Variants in XRCC5 observed in about 807,000 individuals in gnomAD.
XRCC5 encodes DNA repair protein Ku80.
A neutral mutation model predicts 95.7 loss-of-function variants in XRCC5; 12 were observed. That is an observed-to-expected ratio of 0.13 (90% confidence interval 0.08 to 0.20). The LOEUF (loss-of-function observed/expected upper bound fraction) is 0.20, where lower values mean the gene tolerates loss of function less well. Among genes scored for constraint, XRCC5 ranks in the 10% least tolerant of loss-of-function variants. XRCC5 has a pLI of 1.00. For missense variants in XRCC5, 595 were observed against 873.9 expected, an observed-to-expected ratio of 0.68 and a Z score of 4.02; for synonymous variants, 281 against 290.3, an observed-to-expected ratio of 0.97 and a Z score of 0.33.
At chr2:216,185,427 A>T (rs573225441) in intron 16 of XRCC5, among the ~76,000 whole-genome samples, 1 of 152,240 alleles carries the variant, frequency 6.6e-6, no homozygotes, top group Admixed American at 6.5e-5. Flanking sequence ...TTATCAGGCA[A>T]ATATCTTTTA....
In XRCC5 at chr2:216,148,123, C is replaced by G; in HGVS notation, c.1517C>G (p.Pro506Arg). 4 of 1,613,800 alleles carry G rather than the reference C, an allele frequency of 2.5e-6. No individual in the cohort carries two copies. Among genetic ancestry groups the G allele is most frequent in the Non-Finnish European group, 3.4e-6 (4 of 1,179,930 alleles). ...HRALHPREPL[P>R]PIQQHIWNML... is the part of the protein sequence containing the mutation. The stretch of plus-strand genomic sequence containing the variant: ...GCTTTACATCCCCGGGAGCCTCTAC[C>G]CCCAATTCAGCAGCATATTTGGAAT... Residue 506 changes from proline to arginine, a missense_variant, in exon 14 of 21, where the codon CCC becomes CGC. Around this residue, in one of 2 missense-constraint regions of XRCC5, gnomAD observed 309 missense variants for 382.9 expected, o/e 0.81. Transcript: ENST00000392132.
At chr2:216,184,041 T>TGC (rs1005060584) in intron 16 of XRCC5, among the ~76,000 whole-genome samples, 3 of 60,584 alleles carry the variant, frequency 5.0e-5, no homozygotes, top group African/African-American at 1.3e-4. Flanking sequence ...ACTGTGTGTG[T>TGC]GTGTGTGTGT....
At position 216,137,143 on chromosome 2, in the gene XRCC5, TG is replaced by T. The variant is rs1208818515; in HGVS notation, c.1171del (p.Ala391ProfsTer2). 1 of 1,613,984 alleles carries T rather than the reference TG, an allele frequency of 6.2e-7. No individual in the cohort carries two copies. Among genetic ancestry groups the T allele is most frequent in the Non-Finnish European group, 8.5e-7 (1 of 1,179,964 alleles). On this transcript the variant is annotated frameshift_variant, in exon 11 of 21. Transcript: ENST00000392132. LOFTEE classifies it high-confidence loss of function. The stretch of plus-strand genomic sequence containing the variant: ...CATGCTTTGGATGACTTAGACATGG[TG>T]GCCATAGTTCGATATGCTTATGACA... ...LIHALDDLDM[V>X]AIVRYAYDKR...
intron 5 of XRCC5, among the ~76,000 whole-genome samples, chr2:216,120,290 G>T (rs970608570): frequency 3.9e-5 from 6 of 152,192 alleles, no homozygotes; most frequent in Non-Finnish European, 7.3e-5. Flanking sequence ...TTACATGTTA[G>T]AAGCAGACTG....
chr2:216,123,240 A>G (rs1574454550), intron 6 of XRCC5, among the ~76,000 whole-genome samples: 2 of 152,196 alleles, frequency 1.3e-5, no homozygotes, highest in Middle Eastern at 3.4e-3. Flanking sequence ...TTTTTTCTAA[A>G]CGACCATTTT....
chr2:216,186,955 T>TG (rs1689503656), intron 16 of XRCC5, among the ~76,000 whole-genome samples: 1 of 152,226 alleles, frequency 6.6e-6, no homozygotes, highest in South Asian at 2.1e-4. Flanking sequence ...CACAAAACTT[T>TG]GGAAAGGAAG....
intron 14 of XRCC5, among the ~76,000 whole-genome samples, chr2:216,156,031 C>G (rs1688836031): frequency 6.6e-6 from 1 of 152,182 alleles, no homozygotes; most frequent in Admixed American, 6.5e-5. Flanking sequence ...CACTAAGTTA[C>G]AATGATATAA....
In XRCC5 at chr2:216,109,420, G is replaced by A; in HGVS notation, c.-17G>A. On this transcript the variant is annotated 5_prime_UTR_variant, in exon 1 of 21. Coordinates refer to ENST00000392132, the MANE Select transcript of XRCC5 (RefSeq NM_021141.4). ...CCCGCCCGGAAGAAGCGACCAAAGC[G>A]CCTGAGGACCGGCAACATGGTGCGG... 6.2e-7 allele frequency: 1 copy of A among 1,613,966 alleles called. No homozygotes were observed. Among genetic ancestry groups the A allele is most frequent in the Non-Finnish European group, 8.5e-7 (1 of 1,179,924 alleles).
rs116580642 is a variant in XRCC5, at chr2:216,165,307, C to T, written c.1834+3259C>T. ...TTTATATTGAATTTGACTTTGAGAC[C>T]CAGCATGTTGCTAGTATTTCGACAA... On this transcript the variant is annotated intron_variant, in intron 16 of 20. Transcript: ENST00000392132. Among the ~76,000 whole-genome samples, 439 of 152,196 alleles carry T rather than the reference C, an allele frequency of 2.9e-3. 1 individual carries two copies. Among genetic ancestry groups the T allele is most frequent in the Non-Finnish European group, 4.7e-3 (320 of 68,002 alleles).
chr2:216,161,399 A>C (rs968254862), intron 15 of XRCC5, among the ~76,000 whole-genome samples: 1 of 152,154 alleles, frequency 6.6e-6, no homozygotes, highest in Non-Finnish European at 1.5e-5. Flanking sequence ...TCGTCTTTCA[A>C]ACTTCCTCAC....
intron 16 of XRCC5, among the ~76,000 whole-genome samples, chr2:216,187,694 C>T (rs1478456183): frequency 6.6e-6 from 1 of 150,914 alleles, no homozygotes; most frequent in Non-Finnish European, 1.5e-5. Context: ...TACTCTTTTC[C>T]GTGTAGTCTT....
intron 16 of XRCC5, among the ~76,000 whole-genome samples, chr2:216,187,070 A>G: frequency 6.6e-6 from 1 of 152,200 alleles, no homozygotes; most frequent in East Asian, 1.9e-4. Flanking sequence ...CCACAAAAGT[A>G]GTCTGGGTAG....
chr2:216,195,069 T>C (rs1314138307), intron 19 of XRCC5, 83 bp downstream of exon 19: 2 of 1,289,556 alleles, frequency 1.6e-6, no homozygotes, highest in Non-Finnish European at 2.2e-6. Context: ...AGTTAAATTT[T>C]ATGGGTAACT....
intron 16 of XRCC5, among the ~76,000 whole-genome samples, chr2:216,186,556 A>G (rs1466900060): frequency 6.6e-6 from 1 of 152,238 alleles, no homozygotes; most frequent in Non-Finnish European, 1.5e-5. Flanking sequence ...CATTTTCTAA[A>G]ACCTCAAAAT....
intron 10 of XRCC5, among the ~76,000 whole-genome samples, chr2:216,133,863 A>G (rs1347878880): frequency 2.6e-5 from 4 of 152,214 alleles, no homozygotes; most frequent in Non-Finnish European, 5.9e-5. Context: ...ACAAAACAAA[A>G]GAATGCCTGG....
intron 14 of XRCC5, 84 bp downstream of exon 14, chr2:216,148,360 G>A (rs1483496090): frequency 4.7e-6 from 6 of 1,277,130 alleles, no homozygotes; most frequent in Admixed American, 2.6e-5. Flanking sequence ...GTGTCACATA[G>A]GGGTCTATGG....
chr2:216,187,965 T>C (rs1457049553), intron 16 of XRCC5, among the ~76,000 whole-genome samples: 3 of 151,606 alleles, frequency 2.0e-5, no homozygotes, highest in African/African-American at 7.3e-5. Context: ...TCTTCTTTCT[T>C]CTACACTTTC....
chr2:216,177,953 A>G (rs1042773466), intron 16 of XRCC5, among the ~76,000 whole-genome samples: 5 of 152,224 alleles, frequency 3.3e-5, no homozygotes, highest in African/African-American at 1.2e-4. Flanking sequence ...AAGATAAGAT[A>G]TGCCTGCAGA....
chr2:216,188,262 A>T (rs184294686), intron 16 of XRCC5, among the ~76,000 whole-genome samples: 3 of 152,346 alleles, frequency 2.0e-5, no homozygotes, highest in Admixed American at 1.3e-4. Flanking sequence ...AAGATTTTTT[A>T]AAAATTCAAA....
Sources: gnomAD v4.1 joint callset for allele counts (sites outside exome capture counted in the v4.1 genomes callset) on GRCh38, gnomAD v4.1.1 for gene constraint, gnomAD v4.1.1 regional missense constraint, MANE v1.5 for transcripts, NCBI Gene and HGNC (gene_info 2026-07-23, HGNC 2026-07-21) for gene names.